FAM153A: variants seen among roughly 807,000 people sequenced by gnomAD.
FAM153A encodes the protein protein FAM153A.
A neutral mutation model predicts 48.1 loss-of-function variants in FAM153A; 12 were observed. The observed-to-expected ratio is 0.25, with a 90% confidence interval of 0.16 to 0.40. The LOEUF (loss-of-function observed/expected upper bound fraction) is 0.40, where lower values mean the gene tolerates loss of function less well. FAM153A is among the 10% of genes least tolerant of loss of function. The pLI, the probability that FAM153A is intolerant of heterozygous loss-of-function variation, is 1.00. For missense variants in FAM153A, 111 were observed against 345.8 expected, an observed-to-expected ratio of 0.32 and a Z score of 5.38; for synonymous variants, 36 against 118.2, an observed-to-expected ratio of 0.30 and a Z score of 4.51.
intron 10 of FAM153A, among the ~76,000 whole-genome samples, chr5:177,737,974 C>T (rs1459539286): frequency 6.6e-6 from 1 of 151,694 alleles, no homozygotes; most frequent in Non-Finnish European, 1.5e-5. Context: ...ATGACTGCTA[C>T]TTGGCCCGTG....
At chr5:177,726,666 AT>A (rs1326919776) in intron 18 of FAM153A, among the ~76,000 whole-genome samples, 1 of 120,100 alleles carries the variant, frequency 8.3e-6, no homozygotes, top group Non-Finnish European at 1.7e-5. Context: ...AGACACAAAC[AT>A]TAGTACTACT....
At chr5:177,697,700 C>T in the FAM153A span, among the ~76,000 whole-genome samples, 1 of 151,842 alleles carries the variant, frequency 6.6e-6, no homozygotes, top group African/African-American at 2.4e-5. Flanking sequence ...TTCCAAATCC[C>T]TACTCCAGCT....
At chr5:177,702,745 G>A in the FAM153A span, among the ~76,000 whole-genome samples, 3 of 151,904 alleles carry the variant, frequency 2.0e-5, no homozygotes, top group African/African-American at 4.9e-5. Context: ...ACAGGCCCAG[G>A]TACAGCTTAG....
Position 177,746,068 on chromosome 5 carries a change from C to A in FAM153A, c.260-1101G>T, listed in dbSNP as rs867786235. On this transcript the variant is annotated intron_variant, in intron 4 of 20. Transcript: ENST00000614127. Reference sequence around the variant, plus strand: ...ACAAATTCAGTGTAGTAGCCCATGGCATTAACCTTCCACTCATTCCCGAGT... The same window carrying A: ...ACAAATTCAGTGTAGTAGCCCATGGAATTAACCTTCCACTCATTCCCGAGT... Among the ~76,000 whole-genome samples, 32 of 151,500 alleles carry A rather than the reference C, an allele frequency of 2.1e-4. No homozygotes were observed. In the South Asian group the frequency reaches 2.3e-3, roughly 11 times the overall value.
At chr5:177,756,689 A>G (rs1409288495), upstream of FAM153A, among the ~76,000 whole-genome samples, 1 of 151,822 alleles carries the variant, frequency 6.6e-6, no homozygotes, top group African/African-American at 2.4e-5. Flanking sequence ...AACTCACTCA[A>G]AACCACTCAA....
At chr5:177,707,684 C>G (rs6861006), downstream of FAM153A, among the ~76,000 whole-genome samples, 407 of 151,582 alleles carry the variant, frequency 2.7e-3, 10 homozygotes, top group African/African-American at 9.5e-3. Flanking sequence ...CTCAGCCTCC[C>G]GAGTAGCTGG....
downstream of FAM153A, among the ~76,000 whole-genome samples, chr5:177,719,306 G>A (rs1351086227): frequency 2.0e-5 from 3 of 149,800 alleles, no homozygotes; most frequent in Non-Finnish European, 4.4e-5. Context: ...TCAAAGCTTA[G>A]GGTAGGATAA....
Position 177,716,671 on chromosome 5 carries a change from T to C in FAM153A, c.*1152-256A>G, listed in dbSNP as rs552436498. On this transcript the variant is annotated intron_variant and NMD_transcript_variant, in intron 24 of 26. Transcript: ENST00000360669. ...GACAAATAGTCACTATTTAGTAAAA[T>C]GATTACTGTGCTATAATAGAACAAG... 3.8e-3 allele frequency among the ~76,000 whole-genome samples: 584 copies of C among 151,962 alleles called. 12 individuals carry two copies. The highest frequency in any genetic ancestry group is 0.014 in the African/African-American group (563 of 41,238).
At chr5:177,705,658 C>CTTTTTTTTTTT (rs70994931), downstream of FAM153A, among the ~76,000 whole-genome samples, 13 of 79,774 alleles carry the variant, frequency 1.6e-4, no homozygotes, top group South Asian at 4.9e-4. Flanking sequence ...TTTTCTTTTT[C>CTTTTTTTTTTT]TTTTTTTTTT....
intron 1 of FAM153A, among the ~76,000 whole-genome samples, chr5:177,759,114 C>A (rs914331897): frequency 6.6e-6 from 1 of 151,536 alleles, no homozygotes; most frequent in African/African-American, 2.4e-5. Flanking sequence ...ACAAAGAACT[C>A]AAATTTACAA....
At chr5:177,709,472 C>T (rs1439657561), downstream of FAM153A, among the ~76,000 whole-genome samples, 1 of 149,774 alleles carries the variant, frequency 6.7e-6, no homozygotes, top group Admixed American at 6.6e-5. Flanking sequence ...AGCGATTCTC[C>T]TGCCTCAGCC....
At chr5:177,732,606 G>A (rs1276632162) in intron 14 of FAM153A, among the ~76,000 whole-genome samples, 1 of 93,144 alleles carries the variant, frequency 1.1e-5, no homozygotes, top group Admixed American at 1.1e-4. Flanking sequence ...TGCCACCTGG[G>A]TTCAAGGGAT....
At position 177,740,767 on chromosome 5, in the gene FAM153A, G is replaced by A; in HGVS notation, c.466+10C>T. On this transcript the variant is annotated intron_variant, in intron 8 of 20. Transcript: ENST00000614127. ...AAAAACAATAAAAAGAGTAAACCCA[G>A]AATACATACCTTCTGATGGAAAGCA... is the stretch of plus-strand genomic sequence containing the variant. The A allele has an allele frequency of 2.9e-6, 2 of 696,230 alleles. 1 individual carries two copies. Among genetic ancestry groups the A allele is most frequent in the South Asian group, 4.4e-5 (2 of 45,890 alleles). 43.1% of individuals were successfully genotyped at this position (696,230 alleles called of 1,614,324 possible).
upstream of FAM153A, among the ~76,000 whole-genome samples, chr5:177,755,299 GAAAC>G (rs199991372): frequency 0.14 from 21,294 of 151,496 alleles, 1,776 homozygotes; most frequent in East Asian, 0.33. Flanking sequence ...AGAATAAAAA[GAAAC>G]AAACAAAGCC....
chr5:177,759,888 G>A (rs1768140752), intron 1 of FAM153A, among the ~76,000 whole-genome samples: 1 of 151,518 alleles, frequency 6.6e-6, no homozygotes, highest in Non-Finnish European at 1.5e-5. Flanking sequence ...CACCAACATG[G>A]CACATGTATA....
At chr5:177,761,051 G>A (rs1768265890) in intron 1 of FAM153A, among the ~76,000 whole-genome samples, 2 of 151,656 alleles carry the variant, frequency 1.3e-5, no homozygotes, top group Admixed American at 1.3e-4. Context: ...AAGCGGGACT[G>A]AATCCACAGC....
rs1005866486 is a variant in FAM153A at position 177,712,936 on chromosome 5, C to T, written c.*1626G>A. The T allele has an allele frequency of 1.1e-4, 17 of 151,928 alleles. 2 individuals carry two copies. The highest frequency in any genetic ancestry group is 3.4e-4 in the African/African-American group (14 of 41,210). 9.4% of individuals were successfully genotyped at this position (151,928 alleles called of 1,614,324 possible). A position where few individuals can be genotyped will look rare whatever the true frequency, so the allele number is the denominator to read the frequency against. ...TCTCCAAACATTAATTTGTGGTCCG[C>T]TCCCATACACAAACAATACCAAATA... On this transcript the variant is annotated 3_prime_UTR_variant and NMD_transcript_variant, in exon 27 of 27. Transcript: ENST00000360669.
At chr5:177,709,110 AAAAAAAAAAAAAAAAAAAAAAAG>A (rs1341406990), downstream of FAM153A, among the ~76,000 whole-genome samples, 10 of 108,026 alleles carry the variant, frequency 9.3e-5, no homozygotes, top group African/African-American at 4.8e-4. Context: ...AAAAAAAAAA[AAAAAAAAAAAAAAAAAAAAAAAG>A]AAAGAAAAGC....
In FAM153A at chr5:177,730,391, G is replaced by A. The variant is rs564732762; in HGVS notation, c.863-836C>T. Among the ~76,000 whole-genome samples the A allele has an allele frequency of 9.0e-5, 11 of 121,644 alleles. 4 individuals are homozygous for A. The South Asian group carries it at 1.8e-3, about 20-fold the overall frequency. 79.8% of individuals were successfully genotyped at this position (121,644 alleles called of 152,430 possible). A position where few individuals can be genotyped will look rare whatever the true frequency, so the allele number is the denominator to read the frequency against. On this transcript the variant is annotated intron_variant, in intron 16 of 20. Transcript: ENST00000614127. The stretch of plus-strand genomic sequence containing the variant: ...GTTCCACTGAACTTCTAAGACTTGC[G>A]GTGGTTATCTCCTTAAATACAATAG...
Sources: allele counts gnomAD v4.1 joint callset (sites outside exome capture counted in the v4.1 genomes callset), GRCh38; gene constraint gnomAD v4.1.1; transcripts MANE v1.5; gene names NCBI Gene and HGNC (gene_info 2026-07-23, HGNC 2026-07-21).